ERBB4: variants seen among roughly 807,000 people sequenced by gnomAD.
ERBB4 encodes erb-b2 receptor tyrosine kinase 4, also known as receptor tyrosine-protein kinase erbB-4.
In ERBB4, 42 loss-of-function variants were observed where a neutral mutation model predicts 158.0. The observed-to-expected ratio is 0.27, with a 90% CI of 0.21 to 0.34. The LOEUF is 0.34. Among genes scored for constraint, ERBB4 ranks in the 10% least tolerant of loss-of-function variants. The pLI is 1.00. For synonymous variants in ERBB4, 583 were observed against 558.7 expected, an observed-to-expected ratio of 1.04 and a Z score of -0.61; for missense variants, 1,333 against 1,624.1, an observed-to-expected ratio of 0.82 and a Z score of 3.08.
chr2:212,255,362 T>C (rs563726187), intron 1 of ERBB4, among the ~76,000 whole-genome samples: 165 of 152,290 alleles, frequency 1.1e-3, no homozygotes, highest in Admixed American at 5.0e-3. Flanking sequence ...TTCTAACTAA[T>C]GTAACTCCAA....
chr2:212,027,513 C>G (rs1214083339), intron 2 of ERBB4, among the ~76,000 whole-genome samples: 1 of 152,048 alleles, frequency 6.6e-6, no homozygotes, highest in African/African-American at 2.4e-5. Context: ...CAGTGCTTAT[C>G]ATTGATCAAT....
rs139497111 is a variant in ERBB4 at position 212,393,463 on chromosome 2, T to A, written c.82+144986A>T. On this transcript the variant is annotated intron_variant, in intron 1 of 27. Coordinates refer to ENST00000342788, the MANE Select transcript of ERBB4 (RefSeq NM_005235.3). ...ATAATAATAACATATGAAATAATAA[T>A]ATATCATTACTTAACAATAATAAAA... 3.3e-4 allele frequency among the ~76,000 whole-genome samples: 50 copies of A among 152,122 alleles called. 1 individual carries two copies. In the East Asian group the frequency reaches 9.1e-3, roughly 28 times the overall value.
chr2:212,331,768 G>A (rs1010038299), intron 1 of ERBB4, among the ~76,000 whole-genome samples: 2 of 151,764 alleles, frequency 1.3e-5, no homozygotes, highest in Non-Finnish European at 1.5e-5. Flanking sequence ...ACTCTTTGAG[G>A]GCAAAGATTC....
chr2:212,509,946 T>C (rs898506978), intron 1 of ERBB4, among the ~76,000 whole-genome samples: 12 of 151,932 alleles, frequency 7.9e-5, no homozygotes, highest in Admixed American at 4.6e-4. Flanking sequence ...CAGTTAACCA[T>C]GAAATATCCC....
intron 1 of ERBB4, among the ~76,000 whole-genome samples, chr2:212,130,381 T>C (rs1336661854): frequency 2.0e-5 from 3 of 152,282 alleles, no homozygotes; most frequent in African/African-American, 7.2e-5. Flanking sequence ...ACAGGCTTTT[T>C]ATTTTTCTTA....
chr2:212,188,276 T>A (rs2082090374), intron 1 of ERBB4, among the ~76,000 whole-genome samples: 1 of 94,278 alleles, frequency 1.1e-5, no homozygotes, highest in Non-Finnish European at 2.1e-5. Flanking sequence ...CTTCTCTCCC[T>A]CCCTCTTCTC....
Position 212,538,494 on chromosome 2 carries a change from G to C in ERBB4, c.37C>G (p.Leu13Val), listed in dbSNP as rs749917244. 8 of 1,614,090 alleles carry C rather than the reference G, an allele frequency of 5.0e-6. No homozygotes were observed. The change falls in exon 1 of 28, where the codon CTT becomes GTT. Residue 13 changes from leucine to valine, a missense_variant. Physicochemically the swap from Leu to Val is conservative, Grantham distance 32. This residue lies in a region of ERBB4 where 438 missense variants were observed against 586.9 expected (regional missense o/e 0.75). Coordinates refer to ENST00000342788, the MANE Select transcript of ERBB4 (RefSeq NM_005235.3). Reference protein sequence around the residue: ...PATGLWVWVSLLVAAGTVQPS... With the variant: ...PATGLWVWVSVLVAAGTVQPS... ...TGGACGGTCCCCGCCGCCACGAGAA[G>C]GCTCACCCAGACCCAAAGTCCTGTC... is the stretch of plus-strand genomic sequence containing the variant.
At chr2:211,592,425 C>A (rs1409861469) in intron 19 of ERBB4, among the ~76,000 whole-genome samples, 1 of 151,998 alleles carries the variant, frequency 6.6e-6, no homozygotes, top group Non-Finnish European at 1.5e-5. Context: ...AAGGGAGAGT[C>A]TAAAAACGGG....
intron 2 of ERBB4, among the ~76,000 whole-genome samples, chr2:212,052,022 T>G (rs996786873): frequency 6.6e-6 from 1 of 152,130 alleles, no homozygotes; most frequent in African/African-American, 2.4e-5. Flanking sequence ...CTCCTAGGTG[T>G]GTCTGCAAAG....
rs1225968062 is a variant in ERBB4, at chr2:212,091,880, A to G, written c.234+32872T>C. Among the ~76,000 whole-genome samples the G allele has an allele frequency of 3.9e-5, 6 of 152,146 alleles. No individual in the cohort carries two copies. The East Asian group carries it at 7.7e-4, about 20-fold the overall frequency. On this transcript the variant is annotated intron_variant, in intron 2 of 27. Coordinates refer to ENST00000342788, the MANE Select transcript of ERBB4 (RefSeq NM_005235.3). Reference sequence around the variant, plus strand: ...AAGTTTATAAGGCAAAGCAAAATTTATTACTTTTTTTTATTCAGAACTCCA... The same window carrying G: ...AAGTTTATAAGGCAAAGCAAAATTTGTTACTTTTTTTTATTCAGAACTCCA...
intron 16 of ERBB4, among the ~76,000 whole-genome samples, chr2:211,635,853 T>C (rs1204764752): frequency 1.3e-5 from 2 of 152,086 alleles, no homozygotes; most frequent in Non-Finnish European, 2.9e-5. Context: ...TTTGAATATA[T>C]GTGTATTTTC....
At chr2:212,291,578 A>G (rs943051953) in intron 1 of ERBB4, among the ~76,000 whole-genome samples, 1 of 152,072 alleles carries the variant, frequency 6.6e-6, no homozygotes, top group African/African-American at 2.4e-5. Context: ...CTCTGTAAAT[A>G]TACATATTTT....
chr2:211,399,906 A>G (rs771148438), intron 25 of ERBB4, among the ~76,000 whole-genome samples: 2 of 152,170 alleles, frequency 1.3e-5, no homozygotes, highest in African/African-American at 4.8e-5. Flanking sequence ...TTTCTCTACA[A>G]GTGGTACATA....
chr2:212,303,510 C>T (rs901824447), intron 1 of ERBB4, among the ~76,000 whole-genome samples: 8 of 151,486 alleles, frequency 5.3e-5, no homozygotes, highest in African/African-American at 1.7e-4. Flanking sequence ...GTGTTTAATA[C>T]TGCTTAAGCC....
At chr2:211,918,123 T>C (rs1668481152) in intron 3 of ERBB4, among the ~76,000 whole-genome samples, 1 of 152,182 alleles carries the variant, frequency 6.6e-6, no homozygotes, top group Admixed American at 6.6e-5. Flanking sequence ...TAGATGGGAA[T>C]ACAAATGGAG....
intron 2 of ERBB4, among the ~76,000 whole-genome samples, chr2:212,076,667 G>T (rs2078283552): frequency 6.6e-6 from 1 of 151,860 alleles, no homozygotes; most frequent in Non-Finnish European, 1.5e-5. Flanking sequence ...AGTTGGCAGG[G>T]TAAGAGAAAG....
At position 211,503,295 on chromosome 2, in the gene ERBB4, G is replaced by A. The variant is rs968790592; in HGVS notation, c.2487+58608C>T. Among the ~76,000 whole-genome samples the A allele has an allele frequency of 4.6e-5, 7 of 152,106 alleles. 1 individual carries two copies. The South Asian group carries it at 6.2e-4, about 14-fold the overall frequency. On this transcript the variant is annotated intron_variant, in intron 20 of 27. Coordinates refer to ENST00000342788, the MANE Select transcript of ERBB4 (RefSeq NM_005235.3). ...ATTCTGCATCATGCCCTAAGCGGCTGCAGCTCCTGCTGTCTGCCGAGCCAG... is the reference window on the plus strand; with the variant it reads ...ATTCTGCATCATGCCCTAAGCGGCTACAGCTCCTGCTGTCTGCCGAGCCAG...
At chr2:212,130,700 T>A (rs2080084361) in intron 1 of ERBB4, among the ~76,000 whole-genome samples, 1 of 152,110 alleles carries the variant, frequency 6.6e-6, no homozygotes, top group Non-Finnish European at 1.5e-5. Flanking sequence ...GTTTATCAAT[T>A]AAGAAATGAA....
chr2:212,389,023 G>C (rs2090768002), intron 1 of ERBB4, among the ~76,000 whole-genome samples: 1 of 152,042 alleles, frequency 6.6e-6, no homozygotes. Context: ...TATGTGATCT[G>C]AGAAACTGGT....
Sources: allele counts gnomAD v4.1 joint callset (sites outside exome capture counted in the v4.1 genomes callset), GRCh38; gene constraint gnomAD v4.1.1; regional missense constraint gnomAD v4.1.1; transcripts MANE v1.5; gene names NCBI Gene and HGNC (gene_info 2026-07-23, HGNC 2026-07-21).